TUBGCP3: variants seen among roughly 807,000 people sequenced by gnomAD.
The protein encoded by TUBGCP3 is gamma-tubulin complex component 3.
A neutral mutation model predicts 123.1 loss-of-function variants in TUBGCP3; 50 were observed. The ratio of observed to expected loss-of-function variants is 0.41; its 90% confidence interval spans 0.32 to 0.51. The LOEUF (loss-of-function observed/expected upper bound fraction) is 0.51, where lower values mean the gene tolerates loss of function less well. TUBGCP3 is among the 20% of genes least tolerant of loss of function. The pLI, the probability that TUBGCP3 is intolerant of heterozygous loss-of-function variation, is 0.36. For missense variants in TUBGCP3, 882 were observed against 1,127.0 expected (o/e 0.78, Z 3.11); for synonymous variants, 405 against 413.9 (o/e 0.98, Z 0.26).
intron 13 of TUBGCP3, among the ~76,000 whole-genome samples, chr13:112,522,975 G>A (rs1263048571): frequency 6.6e-6 from 1 of 152,182 alleles, no homozygotes; most frequent in Non-Finnish European, 1.5e-5. Flanking sequence ...GAGATTGGTG[G>A]AGATGTCTAG....
At chr13:112,570,470 T>C (rs751172523) in intron 1 of TUBGCP3, among the ~76,000 whole-genome samples, 10 of 152,220 alleles carry the variant, frequency 6.6e-5, no homozygotes, top group Non-Finnish European at 2.9e-5. Context: ...CTGTGGTCTG[T>C]TAAGTGTGGA....
At chr13:112,588,559 A>G (rs1258258323), upstream of TUBGCP3, among the ~76,000 whole-genome samples, 1 of 152,094 alleles carries the variant, frequency 6.6e-6, no homozygotes, top group Non-Finnish European at 1.5e-5. Flanking sequence ...ACGCTATCCA[A>G]CAGGCGCCCT....
In TUBGCP3 at chr13:112,521,594, C is replaced by T. The variant is rs1166320343; in HGVS notation, c.1745+726G>A. 4 of 909,458 alleles carry T rather than the reference C, an allele frequency of 4.4e-6. No homozygotes were observed. In the African/African-American group the frequency reaches 7.2e-5, roughly 16 times the overall value. The allele number at this position is 909,458 out of a possible 1,614,324, so 56.3% of individuals were successfully genotyped here. A position where few individuals can be genotyped will look rare whatever the true frequency, so the allele number is the denominator to read the frequency against. ...GAGGACCTGAGGCCTAAAACAATTG[C>T]TTGGGGAGCACTGGCAGGGTTTAAA... is the stretch of plus-strand genomic sequence containing the variant. On this transcript the variant is annotated intron_variant, in intron 14 of 21. Coordinates refer to ENST00000261965, the MANE Select transcript of TUBGCP3 (RefSeq NM_006322.6).
rs141176000 is a variant in TUBGCP3, at chr13:112,506,545, C to T, written c.2087-1831G>A. Among the ~76,000 whole-genome samples the T allele has an allele frequency of 3.0e-3, 464 of 152,304 alleles. 5 individuals carry two copies. Among genetic ancestry groups the T allele is most frequent in the African/African-American group, 0.01 (430 of 41,574 alleles). On this transcript the variant is annotated intron_variant, in intron 17 of 21. Transcript: ENST00000261965. ...CTGCCCTCAGACCTGTGACATCTGC[C>T]GAGCATCTGTCTCATGGGGCTCCTG...
chr13:112,578,820 C>T (rs985756168), intron 1 of TUBGCP3, among the ~76,000 whole-genome samples: 5 of 152,076 alleles, frequency 3.3e-5, no homozygotes, highest in African/African-American at 9.7e-5. Flanking sequence ...CTCATTCCTT[C>T]GACTCCACCA....
chr13:112,530,713 C>G (rs533107950), intron 11 of TUBGCP3, among the ~76,000 whole-genome samples: 2 of 151,998 alleles, frequency 1.3e-5, no homozygotes, highest in Admixed American at 6.6e-5. Flanking sequence ...TTTTAATAAG[C>G]CTTGGTGTCA....
At chr13:112,502,878 G>C (rs908353134) in intron 19 of TUBGCP3, among the ~76,000 whole-genome samples, 2 of 152,006 alleles carry the variant, frequency 1.3e-5, no homozygotes, top group African/African-American at 4.8e-5. Flanking sequence ...TATCCTCAAA[G>C]TATTTTAAAC....
chr13:112,530,777 C>T (rs916510294), intron 11 of TUBGCP3, among the ~76,000 whole-genome samples: 2 of 152,044 alleles, frequency 1.3e-5, no homozygotes, highest in Non-Finnish European at 2.9e-5. Flanking sequence ...AACAAGTTGA[C>T]AATATACTAC....
At chr13:112,558,577 C>A (rs1416350752) in intron 4 of TUBGCP3, among the ~76,000 whole-genome samples, 164 bp from the exon 5 acceptor site, 1 of 152,070 alleles carries the variant, frequency 6.6e-6, no homozygotes, top group Non-Finnish European at 1.5e-5. Flanking sequence ...TTGAAATATG[C>A]CTAAACTGAT....
At chr13:112,580,151 G>A (rs1882179283) in intron 1 of TUBGCP3, among the ~76,000 whole-genome samples, 1 of 152,124 alleles carries the variant, frequency 6.6e-6, no homozygotes, top group African/African-American at 2.4e-5. Flanking sequence ...CAGGATGGTG[G>A]CGGCCAGCAC....
At chr13:112,573,418 G>C in intron 1 of TUBGCP3, among the ~76,000 whole-genome samples, 1 of 152,034 alleles carries the variant, frequency 6.6e-6, no homozygotes, top group East Asian at 1.9e-4. Flanking sequence ...TGGGGAGGGA[G>C]AAACCTGGAG....
intron 11 of TUBGCP3, among the ~76,000 whole-genome samples, chr13:112,532,568 T>C (rs1566556497): frequency 6.6e-6 from 1 of 152,222 alleles, no homozygotes. Flanking sequence ...AACTTGAATA[T>C]ATTGGCATAA....
chr13:112,534,313 G>C (rs911850235), intron 11 of TUBGCP3, among the ~76,000 whole-genome samples: 1 of 152,184 alleles, frequency 6.6e-6, no homozygotes, highest in African/African-American at 2.4e-5. Flanking sequence ...CTGGGAGGCC[G>C]AGAGGGGTGG....
intron 17 of TUBGCP3, 82 bp from the exon 18 acceptor site, chr13:112,504,796 G>T: frequency 1.7e-6 from 2 of 1,146,878 alleles, no homozygotes; most frequent in Non-Finnish European, 2.6e-6. Context: ...CCACCTGCAA[G>T]CTATCTTAAA....
chr13:112,509,722 A>G (rs925431067), intron 17 of TUBGCP3, among the ~76,000 whole-genome samples: 2 of 152,176 alleles, frequency 1.3e-5, no homozygotes, highest in African/African-American at 4.8e-5. Context: ...ACCTCGTAAA[A>G]CCATCCACAT....
intron 11 of TUBGCP3, among the ~76,000 whole-genome samples, chr13:112,530,258 G>A (rs1036917143): frequency 5.9e-5 from 9 of 152,054 alleles, no homozygotes; most frequent in South Asian, 4.1e-4. Flanking sequence ...AATATTCTTC[G>A]TCAGCATATA....
rs573178138 is a variant in TUBGCP3, at chr13:112,524,957, G to A, written c.1555+1985C>T. On this transcript the variant is annotated intron_variant, in intron 13 of 21. Coordinates refer to ENST00000261965, the MANE Select transcript of TUBGCP3 (RefSeq NM_006322.6). This position sits in a 1 kb window ranked among gnomAD's most constrained non-coding sequence, Gnocchi z 4.4. ...TCCCGAAATCCCCTGCTGCCCTTCC[G>A]ACTTGGCCTCACGAGCTCAGAGTTC... Among the ~76,000 whole-genome samples the A allele has an allele frequency of 3.9e-5, 6 of 152,122 alleles. No homozygotes were observed. Among genetic ancestry groups the A allele is most frequent in the Non-Finnish European group, 5.9e-5 (4 of 68,014 alleles).
intron 19 of TUBGCP3, among the ~76,000 whole-genome samples, chr13:112,503,115 C>T (rs2138997099): frequency 6.6e-6 from 1 of 152,212 alleles, no homozygotes; most frequent in East Asian, 1.9e-4. Context: ...TGGAGGCAGC[C>T]CCTGCCAGTC....
At chr13:112,601,267 C>G in the TUBGCP3 span, among the ~76,000 whole-genome samples, 3 of 150,392 alleles carry the variant, frequency 2.0e-5, no homozygotes, top group Non-Finnish European at 4.4e-5. Flanking sequence ...TGTTTGGACA[C>G]AAAATTCCAG....
Sources: gnomAD v4.1 joint callset for allele counts (sites outside exome capture counted in the v4.1 genomes callset) on GRCh38, gnomAD v4.1.1 for gene constraint, Gnocchi (gnomAD v3.1) non-coding constraint, MANE v1.5 for transcripts, NCBI Gene and HGNC (gene_info 2026-07-23, HGNC 2026-07-21) for gene names.